Variants in RPS6KC1 observed in about 807,000 individuals in gnomAD.
The protein encoded by RPS6KC1 is ribosomal protein S6 kinase C1.
A neutral mutation model predicts 103.8 loss-of-function variants in RPS6KC1; 54 were observed. The ratio of observed to expected loss-of-function variants is 0.52; its 90% CI spans 0.42 to 0.65. The LOEUF is 0.65. RPS6KC1 is among the 30% of genes least tolerant of loss of function. RPS6KC1 has a pLI of 0.00. For synonymous variants in RPS6KC1, 439 were observed against 438.7 expected (o/e 1.00, Z -0.01); for missense variants, 1,151 against 1,253.8 (o/e 0.92, Z 1.24).
At chr1:213,462,823 C>G in the RPS6KC1 span, among the ~76,000 whole-genome samples, 1 of 152,162 alleles carries the variant, frequency 6.6e-6, no homozygotes, top group Admixed American at 6.5e-5. Flanking sequence ...ATGAGCGCAG[C>G]AAACCACCAC....
At chr1:213,436,169 TC>T in the RPS6KC1 span, among the ~76,000 whole-genome samples, 1 of 152,210 alleles carries the variant, frequency 6.6e-6, no homozygotes, top group Non-Finnish European at 1.5e-5. Context: ...AACGCAACAG[TC>T]TTTGTGACAA....
chr1:213,098,303 ATTTTTTT>A (rs34192228), intron 3 of RPS6KC1, among the ~76,000 whole-genome samples: 40 of 121,846 alleles, frequency 3.3e-4, no homozygotes, highest in Admixed American at 9.0e-4. Context: ...TGCCCGGCTA[ATTTTTTT>A]TTTTTTTTTT....
chr1:213,181,058 T>C (rs2092238576), intron 8 of RPS6KC1, among the ~76,000 whole-genome samples: 1 of 152,174 alleles, frequency 6.6e-6, no homozygotes, highest in Non-Finnish European at 1.5e-5. Flanking sequence ...ATGAGACTCT[T>C]TGTACTGCAG....
the RPS6KC1 span, among the ~76,000 whole-genome samples, chr1:213,301,096 G>A: frequency 6.6e-6 from 1 of 152,100 alleles, no homozygotes; most frequent in Non-Finnish European, 1.5e-5. Context: ...TTTCCACTCC[G>A]CTAAGCCAGT....
chr1:213,826,460 T>C, the RPS6KC1 span, among the ~76,000 whole-genome samples: 1 of 152,240 alleles, frequency 6.6e-6, no homozygotes, highest in Non-Finnish European at 1.5e-5. Flanking sequence ...GTCATTTTAG[T>C]TTCAATACTA....
the RPS6KC1 span, among the ~76,000 whole-genome samples, chr1:213,634,322 G>T: frequency 2.0e-5 from 3 of 152,226 alleles, no homozygotes; most frequent in East Asian, 1.9e-4. Flanking sequence ...TGACCACATA[G>T]TTGGAAGTAA....
At chr1:213,681,823 G>A in the RPS6KC1 span, among the ~76,000 whole-genome samples, 1 of 152,056 alleles carries the variant, frequency 6.6e-6, no homozygotes, top group Non-Finnish European at 1.5e-5. Flanking sequence ...TAGAATACAT[G>A]TGTATATGTG....
chr1:213,835,341 T>C, the RPS6KC1 span, among the ~76,000 whole-genome samples: 1 of 152,164 alleles, frequency 6.6e-6, no homozygotes, highest in Non-Finnish European at 1.5e-5. Flanking sequence ...TGAAATATGT[T>C]TGGATTCTTG....
chr1:213,561,027 G>A, the RPS6KC1 span, among the ~76,000 whole-genome samples: 1 of 152,188 alleles, frequency 6.6e-6, no homozygotes, highest in East Asian at 1.9e-4. Flanking sequence ...TAATATGATT[G>A]ATGCCTTTCC....
the RPS6KC1 span, among the ~76,000 whole-genome samples, chr1:213,807,627 C>G: frequency 2.6e-5 from 4 of 152,220 alleles, no homozygotes; most frequent in East Asian, 7.7e-4. Context: ...GCTTTCAGCT[C>G]CATCAGCTCC....
At chr1:213,614,328 C>T in the RPS6KC1 span, among the ~76,000 whole-genome samples, 1 of 152,218 alleles carries the variant, frequency 6.6e-6, no homozygotes, top group East Asian at 1.9e-4. Flanking sequence ...TCCTGTGTAC[C>T]ACTACGGTTT....
intron 5 of RPS6KC1, among the ~76,000 whole-genome samples, chr1:213,118,313 A>G (rs980158690): frequency 1.3e-5 from 2 of 151,162 alleles, no homozygotes; most frequent in Non-Finnish European, 3.0e-5. Flanking sequence ...AAGGTTACGG[A>G]AAAAAAAAGA....
At chr1:213,802,747 C>G in the RPS6KC1 span, among the ~76,000 whole-genome samples, 1 of 152,164 alleles carries the variant, frequency 6.6e-6, no homozygotes, top group Non-Finnish European at 1.5e-5. Flanking sequence ...AGAATTGACC[C>G]TTGAAAGATA....
At chr1:213,077,474 T>G (rs565706762) in intron 2 of RPS6KC1, among the ~76,000 whole-genome samples, 1 of 152,308 alleles carries the variant, frequency 6.6e-6, no homozygotes, top group South Asian at 2.1e-4. Context: ...TAATATATTT[T>G]TACTTTATTT....
intron 6 of RPS6KC1, among the ~76,000 whole-genome samples, chr1:213,166,376 A>T (rs944694370): frequency 2.6e-5 from 4 of 152,220 alleles, no homozygotes; most frequent in Admixed American, 2.6e-4. Context: ...AATAGCAAAT[A>T]GATAGCTTTT....
chr1:213,528,678 G>C, the RPS6KC1 span, among the ~76,000 whole-genome samples: 1 of 152,022 alleles, frequency 6.6e-6, no homozygotes, highest in African/African-American at 2.4e-5. Context: ...GGTAGTATGA[G>C]GATGTTGATT....
chr1:213,169,782 T>G (rs2091316753), intron 7 of RPS6KC1, among the ~76,000 whole-genome samples: 2 of 119,256 alleles, frequency 1.7e-5, no homozygotes, highest in South Asian at 5.1e-4. Flanking sequence ...AATTTTTAAG[T>G]TTTTTTTTTT....
At chr1:213,322,135 A>T in the RPS6KC1 span, among the ~76,000 whole-genome samples, 1 of 152,072 alleles carries the variant, frequency 6.6e-6, no homozygotes. Flanking sequence ...ATGAAACCCC[A>T]TCTCTACTAA....
chr1:213,697,591 T>C, the RPS6KC1 span, among the ~76,000 whole-genome samples: 14 of 152,310 alleles, frequency 9.2e-5, no homozygotes, highest in African/African-American at 3.4e-4. Context: ...CCCCAATTTG[T>C]GGTGTGAAGC....
Sources: allele counts gnomAD v4.1 joint callset (sites outside exome capture counted in the v4.1 genomes callset), GRCh38; gene constraint gnomAD v4.1.1; transcripts MANE v1.5; gene names NCBI Gene and HGNC (gene_info 2026-07-23, HGNC 2026-07-21).